Variants in CHAT observed in about 807,000 individuals in gnomAD.
The protein encoded by CHAT is acetyl CoA:choline O-acetyltransferase.
In CHAT, 61 loss-of-function variants were observed where a neutral mutation model predicts 76.9. The ratio of observed to expected loss-of-function variants is 0.79; its 90% confidence interval spans 0.65 to 0.98. The LOEUF is 0.98. Among genes scored for constraint, CHAT ranks in the 50% least tolerant of loss-of-function variants. The pLI, the probability that CHAT is intolerant of heterozygous loss-of-function variation, is 0.00. For synonymous variants in CHAT, 407 were observed against 397.4 expected (o/e 1.02, Z -0.29); for missense variants, 946 against 986.9 (o/e 0.96, Z 0.56).
Position 49,655,375 on chromosome 10 carries a change from T to C in CHAT, c.1777-11T>C, listed in dbSNP as rs779082892. On this transcript the variant is annotated splice_polypyrimidine_tract_variant and intron_variant, in intron 12 of 14. Coordinates refer to ENST00000337653, the MANE Select transcript of CHAT (RefSeq NM_020549.5). ...TTTAAACCCCGCGCTGCCTCTGTGT[T>C]CTGTTGACAGGCTTCTGAGAAGCTT... 3 of 1,614,118 alleles carry C rather than the reference T, an allele frequency of 1.9e-6. No homozygotes were observed. The highest frequency in any genetic ancestry group is 3.3e-5 in the Admixed American group (2 of 60,032).
intron 7 of CHAT, among the ~76,000 whole-genome samples, chr10:49,639,422 A>G (rs1839403215): frequency 6.7e-6 from 1 of 149,730 alleles, no homozygotes; most frequent in Non-Finnish European, 1.5e-5. Context: ...TTTTTTTTTC[A>G]GCACTTACAA....
intron 13 of CHAT, 66 bp downstream of exon 13, chr10:49,655,514 C>A: frequency 6.7e-7 from 1 of 1,498,320 alleles, no homozygotes. Context: ...CCAGAATGGG[C>A]ACCACGGCAT....
At chr10:49,609,879 G>T (rs1838242649), upstream of CHAT, among the ~76,000 whole-genome samples, 1 of 151,852 alleles carries the variant, frequency 6.6e-6, no homozygotes, top group Non-Finnish European at 1.5e-5. Flanking sequence ...CCTGCTCGCT[G>T]TGCGCCGAGG....
chr10:49,654,131 G>A (rs1839962042), intron 11 of CHAT, among the ~76,000 whole-genome samples: 1 of 152,250 alleles, frequency 6.6e-6, no homozygotes, highest in South Asian at 2.1e-4. Context: ...GGCCAGTGAT[G>A]GTGTTTGCCT....
intron 3 of CHAT, 113 bp downstream of exon 3, chr10:49,620,029 AG>A: frequency 9.3e-7 from 1 of 1,078,324 alleles, no homozygotes; most frequent in Non-Finnish European, 1.4e-6. Flanking sequence ...AGGAGAGATG[AG>A]GGACAGGGAT....
Position 49,620,526 on chromosome 10 carries a change from T to C in CHAT, c.611T>C (p.Leu204Pro). 6.2e-7 allele frequency: 1 copy of C among 1,613,750 alleles called. No homozygotes were observed. Among genetic ancestry groups the C allele is most frequent in the Non-Finnish European group, 8.5e-7 (1 of 1,179,814 alleles). ...GAGTACTGGCTGAATGACATGTATC[T>C]CAACAACCGCCTGGCCCTGCCTGTC... The part of the protein sequence containing the change: ...VSEYWLNDMY[L>P]NNRLALPVNS... The change falls in exon 4 of 15, where the codon CTC becomes CCC. Residue 204 changes from leucine (L) to proline (P), a missense_variant. Leu to Pro is a moderately conservative substitution (Grantham distance 98). Transcript: ENST00000337653.
intron 2 of CHAT, among the ~76,000 whole-genome samples, chr10:49,618,708 G>A (rs1564471483): frequency 1.3e-5 from 2 of 152,220 alleles, no homozygotes; most frequent in Non-Finnish European, 2.9e-5. Flanking sequence ...CGCTGCTGGT[G>A]AACTGAGAGG....
chr10:49,618,745 T>G (rs1206464571), intron 2 of CHAT, among the ~76,000 whole-genome samples: 1 of 151,916 alleles, frequency 6.6e-6, no homozygotes, highest in African/African-American at 2.4e-5. Context: ...AAGGGTGGAG[T>G]TGGGGGTTCT....
At chr10:49,625,395 A>T in intron 5 of CHAT, 78 bp from the exon 6 acceptor site, 7 of 1,400,534 alleles carry the variant, frequency 5.0e-6, no homozygotes, top group South Asian at 1.2e-5. Context: ...ATCAAGTTAC[A>T]ATAAAACCCA....
rs1161514208 is a variant in CHAT at position 49,627,592 on chromosome 10, C to A, written c.934-16C>A. ...GCCACCCAACAAGTGACATGTTTGA[C>A]CTGTTTACCCCACAGTTCTTTGTCT... is the stretch of plus-strand genomic sequence containing the variant. On this transcript the variant is annotated splice_polypyrimidine_tract_variant and intron_variant, in intron 6 of 14. Transcript: ENST00000337653. 2 of 1,613,844 alleles carry A rather than the reference C, an allele frequency of 1.2e-6. No homozygotes were observed. Among genetic ancestry groups the A allele is most frequent in the Admixed American group, 1.7e-5 (1 of 60,002 alleles).
At position 49,655,419 on chromosome 10, in the gene CHAT, A is replaced by T; in HGVS notation, c.1810A>T (p.Ile604Phe). Reference protein sequence around the residue: ...SEKLLLLKDAIRAQTAYTVMA... With the variant: ...SEKLLLLKDAFRAQTAYTVMA... ...GAAGCTTCTGCTCCTGAAGGATGCC[A>T]TCCGTGCCCAGACTGCATACACAGT... The change falls in exon 13 of 15, where the codon ATC becomes TTC. Residue 604 changes from isoleucine to phenylalanine, a missense_variant. Transcript: ENST00000337653. 1 of 1,614,116 alleles carries T rather than the reference A, an allele frequency of 6.2e-7. No individual in the cohort carries two copies.
chr10:49,643,891 G>A lies in CHAT; in HGVS notation c.1112-2614G>A, dbSNP rs1839571159. 2.0e-5 allele frequency among the ~76,000 whole-genome samples: 3 copies of A among 152,222 alleles called. No individual in the cohort carries two copies. The South Asian group carries it at 6.2e-4, about 32-fold the overall frequency. ...CCCACCCTCAGTGAGTGCTGATATG[G>A]GGGAGGGGACCAGACCAGGGGTCCA... On this transcript the variant is annotated intron_variant, in intron 7 of 14. Transcript: ENST00000337653.
chr10:49,611,865 C>T (rs35838405), upstream of CHAT: 16 of 1,607,182 alleles, frequency 1.0e-5, no homozygotes, highest in Non-Finnish European at 1.3e-5. Flanking sequence ...GCATCGTGCC[C>T]GCCTGCCGCT....
intron 4 of CHAT, 64 bp downstream of exon 4, chr10:49,620,677 A>G: frequency 7.6e-7 from 1 of 1,315,488 alleles, no homozygotes; most frequent in Non-Finnish European, 1.1e-6. Context: ...CCCTTACCCC[A>G]GTGCCAGCAA....
intron 7 of CHAT, among the ~76,000 whole-genome samples, chr10:49,641,296 T>A (rs1917818): frequency 1.3e-5 from 2 of 152,094 alleles, no homozygotes; most frequent in Non-Finnish European, 2.9e-5. Flanking sequence ...CCAGAGAATC[T>A]GCTGCTATGA....
chr10:49,661,687 C>A (rs1840199318), intron 13 of CHAT, among the ~76,000 whole-genome samples: 1 of 152,132 alleles, frequency 6.6e-6, no homozygotes, highest in African/African-American at 2.4e-5. Flanking sequence ...CTGATGTTGA[C>A]CCAAAAGTGA....
At chr10:49,640,501 T>TG (rs35719812) in intron 7 of CHAT, among the ~76,000 whole-genome samples, 44,040 of 150,252 alleles carry the variant, frequency 0.29, 7,366 homozygotes, top group Non-Finnish European at 0.36. Flanking sequence ...ACTGCAGGGT[T>TG]GGGGGGTGGA....
chr10:49,612,016 A>G (rs118107581), upstream of CHAT: 748 of 1,613,762 alleles, frequency 4.6e-4, 4 homozygotes, highest in East Asian at 0.013. Flanking sequence ...CATCGCCGAC[A>G]TCTCCTATTC....
chr10:49,612,021 C>T (rs2132688534), upstream of CHAT: 1 of 1,613,822 alleles, frequency 6.2e-7, no homozygotes, highest in Middle Eastern at 1.6e-4. Flanking sequence ...CCGACATCTC[C>T]TATTCGGTGG....
Sources: gnomAD v4.1 joint callset for allele counts (sites outside exome capture counted in the v4.1 genomes callset) on GRCh38, gnomAD v4.1.1 for gene constraint, MANE v1.5 for transcripts, NCBI Gene and HGNC (gene_info 2026-07-23, HGNC 2026-07-21) for gene names.